The following PHTF1 variants were observed in gnomAD, a reference collection of about 807,000 sequenced individuals.
The protein encoded by PHTF1 is putative homeodomain transcription factor 1.
Under a neutral mutation model 102.4 loss-of-function variants are expected in PHTF1, and 88 were observed. That is an observed-to-expected ratio of 0.86 (90% CI 0.72 to 1.03). The LOEUF is 1.03. Among genes scored for constraint, PHTF1 ranks in the 50% least tolerant of loss-of-function variants. The probability of loss-of-function intolerance (pLI) is 0.00; values close to 1 mark genes in which losing one functional copy is unlikely to be tolerated. For synonymous variants in PHTF1, 289 were observed against 305.2 expected (o/e 0.95, Z 0.55); for missense variants, 814 against 909.5 (o/e 0.89, Z 1.35).
intron 7 of PHTF1, among the ~76,000 whole-genome samples, chr1:113,722,416 G>A (rs1245899378): frequency 6.6e-6 from 1 of 151,936 alleles, no homozygotes; most frequent in Non-Finnish European, 1.5e-5. Context: ...TCTAGCTTTG[G>A]CGATAGAGCG....
chr1:113,758,231 C>CAAAAAAA (rs1162537319), intron 2 of PHTF1, among the ~76,000 whole-genome samples: 13 of 58,178 alleles, frequency 2.2e-4, no homozygotes, highest in South Asian at 7.8e-4. Context: ...AACTCCGTCT[C>CAAAAAAA]AAAAAAAAAA....
At chr1:113,731,422 C>A (rs566232160) in intron 5 of PHTF1, among the ~76,000 whole-genome samples, 2 of 151,816 alleles carry the variant, frequency 1.3e-5, no homozygotes, top group Non-Finnish European at 2.9e-5. Flanking sequence ...ACCTATAGTC[C>A]CAGCTACTCA....
intron 7 of PHTF1, among the ~76,000 whole-genome samples, chr1:113,723,883 A>T (rs1653396157): frequency 6.6e-6 from 1 of 152,216 alleles, no homozygotes; most frequent in Non-Finnish European, 1.5e-5. Flanking sequence ...CTGACAAGGG[A>T]TTAATAACCA....
Position 113,698,313 on chromosome 1 carries a change from G to A in PHTF1, c.2217C>T (p.Ile739=). 6.2e-7 allele frequency: 1 copy of A among 1,607,712 alleles called. No homozygotes were observed. The highest frequency in any genetic ancestry group is 8.5e-7 in the Non-Finnish European group (1 of 1,174,396). Residue 739 remains isoleucine, a synonymous_variant, in exon 18 of 19, where the codon ATC becomes ATT. Coordinates refer to ENST00000369604, the MANE Select transcript of PHTF1 (RefSeq NM_001323043.2). ...PLIYNITRVV[I]LSAVSGVISD... The stretch of plus-strand genomic sequence containing the variant: ...TTATAACACCTGAGACAGCAGAAAG[G>A]ATAACTACTCTTGTGATATTGTAGA...
intron 5 of PHTF1, among the ~76,000 whole-genome samples, chr1:113,734,708 A>G (rs12063216): frequency 0.75 from 113,639 of 152,172 alleles, 43,052 homozygotes; most frequent in African/African-American, 0.83. Flanking sequence ...GCCTATCCAC[A>G]TTGTAAAAAG....
intron 5 of PHTF1, among the ~76,000 whole-genome samples, chr1:113,729,060 C>T (rs1246840808): frequency 2.6e-5 from 4 of 152,162 alleles, no homozygotes; most frequent in Admixed American, 1.3e-4. Flanking sequence ...AAATGTGGTA[C>T]ATATACACAA....
intron 15 of PHTF1, among the ~76,000 whole-genome samples, chr1:113,702,236 T>C (rs1649532197): frequency 6.6e-6 from 1 of 152,198 alleles, no homozygotes; most frequent in Admixed American, 6.5e-5. Context: ...ATGCATGTTG[T>C]AATCTCTTTA....
chr1:113,735,365 C>CAAAAAAAAAAAAAAAAAAAAAA, intron 5 of PHTF1, among the ~76,000 whole-genome samples: 1 of 28,444 alleles, frequency 3.5e-5, no homozygotes, highest in Non-Finnish European at 5.9e-5. Flanking sequence ...GACTCTGTCT[C>CAAAAAAAAAAAAAAAAAAAAAA]AAAAAAAAAA....
intron 3 of PHTF1, among the ~76,000 whole-genome samples, chr1:113,756,616 C>T (rs1346604111): frequency 6.6e-6 from 1 of 152,156 alleles, no homozygotes; most frequent in East Asian, 1.9e-4. Flanking sequence ...TTCCACATCT[C>T]AAGACTATCC....
chr1:113,710,812 T>TATA (rs67769017), intron 10 of PHTF1, among the ~76,000 whole-genome samples: 2,211 of 59,218 alleles, frequency 0.037, 48 homozygotes, highest in African/African-American at 0.092. Context: ...ATATATATAT[T>TATA]TTTTTTTTTT....
upstream of PHTF1, among the ~76,000 whole-genome samples, chr1:113,759,888 T>A (rs558212031): frequency 2.0e-5 from 3 of 152,314 alleles, no homozygotes; most frequent in South Asian, 6.2e-4. Context: ...AGGTTCCCAA[T>A]GTTTGTTGAG....
In PHTF1 at chr1:113,715,648, C is replaced by CAAAAAAA. The variant is rs60517410; in HGVS notation, c.624-2217_624-2211dup. Among the ~76,000 whole-genome samples the CAAAAAAA allele has an allele frequency of 8.0e-3, 200 of 24,980 alleles. 30 individuals carry two copies. The highest frequency in any genetic ancestry group is 0.022 in the East Asian group (6 of 276). The allele number at this position is 24,980 out of a possible 152,430, so 16.4% of individuals were successfully genotyped here. On this transcript the variant is annotated intron_variant, in intron 7 of 18. Coordinates refer to ENST00000369604, the MANE Select transcript of PHTF1 (RefSeq NM_001323043.2). ...GAGCAATGACAGTGAAACCCTGTCTCAAAAAAAAAAAAAAAAAAAAAAAAA... is the reference window on the plus strand; with the variant it reads ...GAGCAATGACAGTGAAACCCTGTCTCAAAAAAAAAAAAAAAAAAAAAAAAAAAAAAAA...
At chr1:113,747,027 G>A (rs1438497214) in intron 3 of PHTF1, 3 of 152,552 alleles carry the variant, frequency 2.0e-5, no homozygotes, top group African/African-American at 7.2e-5. Flanking sequence ...ATAAAAAAGG[G>A]AAGATAATAG....
At chr1:113,733,317 A>C (rs1476813649) in intron 5 of PHTF1, among the ~76,000 whole-genome samples, 6 of 151,930 alleles carry the variant, frequency 3.9e-5, no homozygotes, top group African/African-American at 1.5e-4. Flanking sequence ...TATGTACTAA[A>C]AGCCTTAAAT....
chr1:113,716,342 CTTTTTT>C (rs1180513920), intron 7 of PHTF1, among the ~76,000 whole-genome samples: 10 of 120,958 alleles, frequency 8.3e-5, no homozygotes, highest in African/African-American at 3.2e-4. Flanking sequence ...TTATTTTTCC[CTTTTTT>C]TTTTTTTTTT....
chr1:113,732,723 T>C (rs1557948146), intron 5 of PHTF1, among the ~76,000 whole-genome samples: 3 of 152,118 alleles, frequency 2.0e-5, no homozygotes, highest in South Asian at 2.1e-4. Flanking sequence ...CCATGGCATA[T>C]ATGGAAATTT....
At chr1:113,743,514 AAGTAT>A (rs1175993232) in intron 3 of PHTF1, among the ~76,000 whole-genome samples, 3 of 152,198 alleles carry the variant, frequency 2.0e-5, no homozygotes, top group African/African-American at 4.8e-5. Flanking sequence ...AAACAATTCA[AAGTAT>A]AGTATAGTAA....
chr1:113,698,117 T>C, intron 18 of PHTF1, 145 bp downstream of exon 18: 1 of 643,206 alleles, frequency 1.6e-6, no homozygotes, highest in Non-Finnish European at 2.6e-6. Flanking sequence ...TCAAAATGCC[T>C]ATTTCTTTAC....
chr1:113,727,217 T>A (rs1282068205), intron 5 of PHTF1, among the ~76,000 whole-genome samples: 1 of 152,192 alleles, frequency 6.6e-6, no homozygotes, highest in Non-Finnish European at 1.5e-5. Context: ...AAAAGAAAGT[T>A]ACCTATTCCA....
Sources: allele counts gnomAD v4.1 joint callset (sites outside exome capture counted in the v4.1 genomes callset), GRCh38; gene constraint gnomAD v4.1.1; transcripts MANE v1.5; gene names NCBI Gene and HGNC (gene_info 2026-07-23, HGNC 2026-07-21).